NFIB: variants seen among roughly 807,000 people sequenced by gnomAD.
NFIB encodes the protein nuclear factor I B.
NFIB carries 11 observed loss-of-function variants against 61.5 expected under a neutral mutation model. The ratio of observed to expected loss-of-function variants is 0.18; its 90% CI spans 0.11 to 0.30. NFIB has a LOEUF of 0.30. Ranked by LOEUF, NFIB falls within the 10% of genes least tolerant of loss-of-function variation. The pLI, the probability that NFIB is intolerant of heterozygous loss-of-function variation, is 1.00. For missense variants in NFIB, 471 were observed against 608.9 expected (o/e 0.77, Z 2.38); for synonymous variants, 260 against 216.5 (o/e 1.20, Z -1.76).
the NFIB span, among the ~76,000 whole-genome samples, chr9:14,452,186 T>A: frequency 1.3e-5 from 2 of 152,138 alleles, no homozygotes; most frequent in East Asian, 3.8e-4. Context: ...CTGTCAACAT[T>A]GATGTGAACC....
intron 2 of NFIB, among the ~76,000 whole-genome samples, chr9:14,234,634 T>C (rs1056630691): frequency 6.6e-6 from 1 of 151,734 alleles, no homozygotes; most frequent in African/African-American, 2.4e-5. Context: ...AGTGCTGTGA[T>C]TACAGGTGTG....
chr9:14,451,462 A>G, the NFIB span, among the ~76,000 whole-genome samples: 1 of 152,224 alleles, frequency 6.6e-6, no homozygotes, highest in Admixed American at 6.5e-5. Flanking sequence ...ATTCATAAAC[A>G]TTTTCGTTTG....
chr9:14,149,004 A>G (rs999790032), intron 5 of NFIB, among the ~76,000 whole-genome samples: 2 of 152,230 alleles, frequency 1.3e-5, no homozygotes, highest in African/African-American at 4.8e-5. Context: ...ACTCTGAAAG[A>G]CAGTATCTTA....
the NFIB span, among the ~76,000 whole-genome samples, chr9:14,464,929 T>G: frequency 2.0e-5 from 3 of 152,196 alleles, no homozygotes; most frequent in Non-Finnish European, 4.4e-5. Flanking sequence ...ACACAGTACC[T>G]GTCATGTGGA....
chr9:14,407,311 T>C, the NFIB span, among the ~76,000 whole-genome samples: 1 of 152,204 alleles, frequency 6.6e-6, no homozygotes, highest in African/African-American at 2.4e-5. Flanking sequence ...ATAAAGTCCA[T>C]AATAGAATCA....
the NFIB span, among the ~76,000 whole-genome samples, chr9:14,483,657 G>A: frequency 2.0e-5 from 3 of 152,130 alleles, no homozygotes; most frequent in Non-Finnish European, 4.4e-5. Flanking sequence ...CGCAGTACCC[G>A]GCACATGGAA....
At chr9:14,178,342 A>G (rs938225326) in intron 3 of NFIB, among the ~76,000 whole-genome samples, 8 of 152,112 alleles carry the variant, frequency 5.3e-5, no homozygotes, top group African/African-American at 1.7e-4. Flanking sequence ...CTTTTTGGAA[A>G]GATAACTAAA....
At chr9:14,366,631 A>C (rs566071299) in intron 1 of NFIB, among the ~76,000 whole-genome samples, 3 of 152,124 alleles carry the variant, frequency 2.0e-5, no homozygotes, top group African/African-American at 7.2e-5. Flanking sequence ...GATAACAGGC[A>C]CGTGCCACCA....
At chr9:14,438,424 T>C in the NFIB span, among the ~76,000 whole-genome samples, 1 of 152,214 alleles carries the variant, frequency 6.6e-6, no homozygotes, top group Non-Finnish European at 1.5e-5. Context: ...CGCATTATTT[T>C]CAGAATTCTT....
At chr9:14,149,864 T>C (rs1016981704) in intron 5 of NFIB, among the ~76,000 whole-genome samples, 20 of 152,160 alleles carry the variant, frequency 1.3e-4, no homozygotes, top group African/African-American at 4.6e-4. Flanking sequence ...TGTTAACTTG[T>C]AGCATTTTAA....
chr9:14,229,926 C>T (rs1423435827), intron 2 of NFIB, among the ~76,000 whole-genome samples: 6 of 152,128 alleles, frequency 3.9e-5, no homozygotes, highest in Non-Finnish European at 8.8e-5. Context: ...CTCAGCCTCC[C>T]GAGTAGTGGA....
intron 4 of NFIB, among the ~76,000 whole-genome samples, chr9:14,155,486 G>C (rs1285628492): frequency 6.6e-6 from 1 of 152,038 alleles, no homozygotes; most frequent in Admixed American, 6.6e-5. Context: ...ACTTATGTGG[G>C]TTATCATAAC....
chr9:14,475,860 C>T, the NFIB span, among the ~76,000 whole-genome samples: 6 of 152,112 alleles, frequency 3.9e-5, no homozygotes, highest in Non-Finnish European at 7.4e-5. Flanking sequence ...ACATAATTAG[C>T]GGGCTCCTTT....
the NFIB span, among the ~76,000 whole-genome samples, chr9:14,430,020 C>A: frequency 6.6e-6 from 1 of 152,092 alleles, no homozygotes; most frequent in African/African-American, 2.4e-5. Flanking sequence ...TGAAAGCTCA[C>A]TAAAATGTAG....
At chr9:14,470,745 C>T in the NFIB span, among the ~76,000 whole-genome samples, 68 of 152,208 alleles carry the variant, frequency 4.5e-4, 1 homozygote, top group South Asian at 0.011. Flanking sequence ...TGATTTCTGC[C>T]GAAACTAGGA....
At chr9:14,202,839 A>G (rs1431408659) in intron 2 of NFIB, among the ~76,000 whole-genome samples, 1 of 152,206 alleles carries the variant, frequency 6.6e-6, no homozygotes, top group Admixed American at 6.5e-5. Flanking sequence ...TTACAACTCC[A>G]TGAACTCTAC....
At position 14,361,080 on chromosome 9, in the gene NFIB, T is replaced by C. The variant is rs1297126552; in HGVS notation, c.108+37444A>G. ...GGTTTAAGAGATTTCAAATTAATTT[T>C]GTCACCCATAATCCTGTTTGTTTTC... On this transcript the variant is annotated intron_variant, in intron 1 of 8. Coordinates refer to the NFIB transcript ENST00000380934. Among the ~76,000 whole-genome samples the C allele has an allele frequency of 2.6e-5, 4 of 152,120 alleles. No homozygotes were observed. In the East Asian group the frequency reaches 7.7e-4, roughly 29 times the overall value.
chr9:14,280,354 C>A (rs2058287975), intron 2 of NFIB, among the ~76,000 whole-genome samples: 1 of 152,036 alleles, frequency 6.6e-6, no homozygotes, highest in African/African-American at 2.4e-5. Flanking sequence ...AAAATACGCA[C>A]ACACACACAC....
chr9:14,342,737 T>C (rs1275880703), intron 1 of NFIB, among the ~76,000 whole-genome samples: 1 of 152,174 alleles, frequency 6.6e-6, no homozygotes, highest in Non-Finnish European at 1.5e-5. Flanking sequence ...CTTCCTCTCT[T>C]GACAAGTTGT....
Sources: allele counts gnomAD v4.1 joint callset (sites outside exome capture counted in the v4.1 genomes callset), GRCh38; gene constraint gnomAD v4.1.1; transcripts MANE v1.5; gene names NCBI Gene and HGNC (gene_info 2026-07-23, HGNC 2026-07-21).